SGCD: variants seen among roughly 807,000 people sequenced by gnomAD.
SGCD encodes sarcoglycan delta.
A neutral mutation model predicts 36.6 loss-of-function variants in SGCD; 18 were observed. That is an observed-to-expected ratio of 0.49 (90% CI 0.34 to 0.73). The LOEUF (loss-of-function observed/expected upper bound fraction) is 0.73. Ranked by LOEUF, SGCD falls within the 30% of genes least tolerant of loss-of-function variation. The probability of loss-of-function intolerance (pLI) is 0.01; values close to 1 mark genes in which losing one functional copy is unlikely to be tolerated. For missense variants in SGCD, 387 were observed against 346.7 expected, an observed-to-expected ratio of 1.12 and a Z score of -0.92; for synonymous variants, 133 against 130.6, an observed-to-expected ratio of 1.02 and a Z score of -0.12.
At chr5:156,003,867 C>T (rs6892854) in intron 1 of SGCD, among the ~76,000 whole-genome samples, 1 of 152,050 alleles carries the variant, frequency 6.6e-6, no homozygotes, top group Non-Finnish European at 1.5e-5. Flanking sequence ...CAAGCTTCTG[C>T]CTTGATTTGC....
At chr5:156,190,532 A>C (rs1012935034) in intron 3 of SGCD, among the ~76,000 whole-genome samples, 1 of 152,156 alleles carries the variant, frequency 6.6e-6, no homozygotes, top group Non-Finnish European at 1.5e-5. Context: ...ACTTCTCCAA[A>C]TCAATAATAT....
chr5:156,029,078 A>T, intron 1 of SGCD, among the ~76,000 whole-genome samples: 1 of 152,142 alleles, frequency 6.6e-6, no homozygotes, highest in East Asian at 1.9e-4. Flanking sequence ...TAAGGTCACC[A>T]TTCTCAACCT....
chr5:156,653,493 C>CTTTTTGTTTTTTTTTTTT (rs1763545895), intron 7 of SGCD, among the ~76,000 whole-genome samples: 1 of 48,082 alleles, frequency 2.1e-5, no homozygotes, highest in Non-Finnish European at 4.0e-5. Flanking sequence ...CTAAAGCTTG[C>CTTTTTGTTTTTTTTTTTT]TTTTTTTTTT....
chr5:156,051,978 G>A (rs1202916703), intron 1 of SGCD, among the ~76,000 whole-genome samples: 4 of 146,114 alleles, frequency 2.7e-5, no homozygotes, highest in Non-Finnish European at 6.2e-5. Context: ...TAAAGACAGG[G>A]TTCTTGTCCA....
intron 3 of SGCD, among the ~76,000 whole-genome samples, chr5:156,232,294 T>C (rs1199430492): frequency 2.6e-5 from 4 of 152,234 alleles, no homozygotes; most frequent in African/African-American, 7.2e-5. Context: ...TAAGAATCCC[T>C]ACTTGATTAT....
At chr5:156,028,960 G>T (rs1014118968) in intron 1 of SGCD, among the ~76,000 whole-genome samples, 22 of 152,180 alleles carry the variant, frequency 1.4e-4, no homozygotes, top group Admixed American at 5.9e-4. Flanking sequence ...TTAAGTGTGT[G>T]TACGCAGGAG....
chr5:156,083,840 T>A, intron 1 of SGCD, among the ~76,000 whole-genome samples: 1 of 152,074 alleles, frequency 6.6e-6, no homozygotes, highest in East Asian at 1.9e-4. Context: ...TGCCTGTCAA[T>A]GTCCCGTTGC....
At chr5:155,958,831 C>T (rs1417770847) in intron 1 of SGCD, among the ~76,000 whole-genome samples, 1 of 152,078 alleles carries the variant, frequency 6.6e-6, no homozygotes, top group African/African-American at 2.4e-5. Flanking sequence ...TTGCCTGTCA[C>T]TTAGAAGGCA....
chr5:156,078,111 G>A (rs1457931879), intron 1 of SGCD, among the ~76,000 whole-genome samples: 2 of 152,140 alleles, frequency 1.3e-5, no homozygotes, highest in African/African-American at 4.8e-5. Flanking sequence ...TGGTAGAAGA[G>A]AAACTTTTCT....
At chr5:156,234,990 G>A (rs1285762653) in intron 3 of SGCD, among the ~76,000 whole-genome samples, 1 of 152,122 alleles carries the variant, frequency 6.6e-6, no homozygotes, top group African/African-American at 2.4e-5. Context: ...TTCTATCAGT[G>A]TATAACTCAT....
chr5:156,526,224 A>T (rs1358931295), intron 4 of SGCD, among the ~76,000 whole-genome samples: 2 of 152,098 alleles, frequency 1.3e-5, no homozygotes, highest in Non-Finnish European at 2.9e-5. Flanking sequence ...AAGATGAGAA[A>T]GTGTTAAGAT....
At chr5:155,997,499 T>C (rs1758576427) in intron 1 of SGCD, among the ~76,000 whole-genome samples, 8 of 152,206 alleles carry the variant, frequency 5.3e-5, no homozygotes, top group Admixed American at 5.2e-4. Flanking sequence ...GAAAGTGAGT[T>C]TGTCATCATG....
chr5:156,617,998 T>G (rs1457132517), intron 6 of SGCD, among the ~76,000 whole-genome samples: 5 of 152,250 alleles, frequency 3.3e-5, no homozygotes, highest in African/African-American at 1.2e-4. Context: ...CACTTAAATG[T>G]ATTCAGGTTC....
intron 7 of SGCD, among the ~76,000 whole-genome samples, chr5:156,725,192 G>C (rs182010336): frequency 5.3e-5 from 8 of 152,288 alleles, no homozygotes; most frequent in Admixed American, 3.9e-4. Flanking sequence ...TATGAGTCTG[G>C]AGTTCCAAGG....
intron 3 of SGCD, among the ~76,000 whole-genome samples, chr5:156,415,450 T>G (rs895784629): frequency 6.6e-6 from 1 of 152,238 alleles, no homozygotes; most frequent in Non-Finnish European, 1.5e-5. Context: ...TTTGAGCACG[T>G]GGTCTCAGGT....
At chr5:156,276,024 C>T (rs947031358) in intron 3 of SGCD, among the ~76,000 whole-genome samples, 3 of 152,080 alleles carry the variant, frequency 2.0e-5, no homozygotes, top group Admixed American at 6.6e-5. Flanking sequence ...TGACACTGAG[C>T]CTCAGAGGAA....
intron 3 of SGCD, among the ~76,000 whole-genome samples, chr5:156,130,328 G>A (rs1365846457): frequency 6.6e-6 from 1 of 152,084 alleles, no homozygotes; most frequent in Non-Finnish European, 1.5e-5. Flanking sequence ...ACTTTTTAAT[G>A]GGGTTGCTTG....
At chr5:156,459,809 G>A (rs78271696) in intron 3 of SGCD, among the ~76,000 whole-genome samples, 1,570 of 152,256 alleles carry the variant, frequency 0.01, 23 homozygotes, top group African/African-American at 0.035. Flanking sequence ...TTTACCTCCT[G>A]TTTCCTTCTA....
chr5:156,516,172 A>C lies in SGCD; in HGVS notation c.294+7470A>C, dbSNP rs540775034. ...ACCCGCTCTGCCAAAGGGCAGCCAG[A>C]GTGCTTCATTAAGTAAGTGGCTGAT... On this transcript the variant is annotated intron_variant, in intron 4 of 8. Transcript: ENST00000337851. 3.0e-4 allele frequency among the ~76,000 whole-genome samples: 45 copies of C among 152,376 alleles called. No homozygotes were observed. In the South Asian group the frequency reaches 9.3e-3, roughly 32 times the overall value.
Sources: gnomAD v4.1 joint callset for allele counts (sites outside exome capture counted in the v4.1 genomes callset) on GRCh38, gnomAD v4.1.1 for gene constraint, MANE v1.5 for transcripts, NCBI Gene and HGNC (gene_info 2026-07-23, HGNC 2026-07-21) for gene names.